SLC24A3: variants seen among roughly 807,000 people sequenced by gnomAD.
The protein encoded by SLC24A3 is solute carrier family 24 member 3, also known as sodium/potassium/calcium exchanger 3.
A neutral mutation model predicts 75.8 loss-of-function variants in SLC24A3; 28 were observed. The observed-to-expected ratio is 0.37, with a 90% CI of 0.27 to 0.51. SLC24A3 has a LOEUF of 0.51. Among genes scored for constraint, SLC24A3 ranks in the 20% least tolerant of loss-of-function variants. SLC24A3 has a pLI of 0.94. For synonymous variants in SLC24A3, 372 were observed against 334.1 expected (o/e 1.11, Z -1.24); for missense variants, 663 against 847.8 (o/e 0.78, Z 2.71).
At chr20:19,258,634 G>A (rs1221204500) in intron 1 of SLC24A3, among the ~76,000 whole-genome samples, 1 of 152,148 alleles carries the variant, frequency 6.6e-6, no homozygotes, top group African/African-American at 2.4e-5. Flanking sequence ...TCCAGGAGGC[G>A]GAAGTTGCAG....
chr20:19,302,282 A>T (rs1984214826), intron 2 of SLC24A3, among the ~76,000 whole-genome samples: 1 of 152,242 alleles, frequency 6.6e-6, no homozygotes, highest in Non-Finnish European at 1.5e-5. Flanking sequence ...GCCAAGCTGT[A>T]GAGAGTACTT....
chr20:19,296,299 G>C (rs1467413207), intron 2 of SLC24A3, among the ~76,000 whole-genome samples: 1 of 74,598 alleles, frequency 1.3e-5, no homozygotes, highest in Non-Finnish European at 2.6e-5. Context: ...AAAAAAAATA[G>C]CTCCTGGATT....
chr20:19,590,218 A>C (rs1418555069), intron 6 of SLC24A3, among the ~76,000 whole-genome samples: 3 of 151,906 alleles, frequency 2.0e-5, no homozygotes, highest in Non-Finnish European at 4.4e-5. Flanking sequence ...GTGCAGCTAG[A>C]AGTTTCTCTT....
chr20:19,443,557 T>TTTG (rs915823656), intron 2 of SLC24A3, among the ~76,000 whole-genome samples: 12 of 151,910 alleles, frequency 7.9e-5, no homozygotes, highest in Non-Finnish European at 1.2e-4. Context: ...CTTTCAGGAG[T>TTTG]TTGTTGTTGT....
chr20:19,245,448 G>T (rs1160401500), intron 1 of SLC24A3, among the ~76,000 whole-genome samples: 1 of 151,978 alleles, frequency 6.6e-6, no homozygotes, highest in Admixed American at 6.5e-5. Context: ...TTGAGTTGGC[G>T]GTCAGAATTA....
At chr20:19,703,407 C>T (rs1183700615) in intron 15 of SLC24A3, among the ~76,000 whole-genome samples, 1 of 152,240 alleles carries the variant, frequency 6.6e-6, no homozygotes, top group Admixed American at 6.5e-5. Flanking sequence ...ACTCACACTG[C>T]ACCAGTATCC....
chr20:19,499,588 A>G (rs901641620), intron 2 of SLC24A3, among the ~76,000 whole-genome samples: 1 of 152,070 alleles, frequency 6.6e-6, no homozygotes, highest in African/African-American at 2.4e-5. Context: ...CTAATTTTTC[A>G]TGACTTTTAT....
intron 6 of SLC24A3, among the ~76,000 whole-genome samples, chr20:19,633,512 A>G (rs941965146): frequency 1.3e-5 from 2 of 151,278 alleles, no homozygotes; most frequent in African/African-American, 2.4e-5. Flanking sequence ...AGCCGGGCGT[A>G]GTGGCGGGCG....
rs150970907 is a variant in SLC24A3, at chr20:19,254,227, C to CGACCG, written c.143-26728_143-26727insGGACC. On this transcript the variant is annotated intron_variant, in intron 1 of 16. Transcript: ENST00000328041. ...CATTGCCCAGGCGGCCATCTACTCCCGACCCCAGAGTCTGGCTTCATTTGT... is the reference window on the plus strand; with the variant it reads ...CATTGCCCAGGCGGCCATCTACTCCCGACCGGACCCCAGAGTCTGGCTTCATTTGT... Among the ~76,000 whole-genome samples, 308 of 139,766 alleles carry CGACCG rather than the reference C, an allele frequency of 2.2e-3. 8 individuals are homozygous for CGACCG. The South Asian group carries it at 0.061, about 28-fold the overall frequency. 91.7% of individuals were successfully genotyped at this position (139,766 alleles called of 152,430 possible). A position where few individuals can be genotyped will look rare whatever the true frequency, so the allele number is the denominator to read the frequency against.
intron 2 of SLC24A3, among the ~76,000 whole-genome samples, chr20:19,492,745 CATAA>C (rs1164178972): frequency 2.0e-5 from 3 of 152,158 alleles, no homozygotes; most frequent in Non-Finnish European, 4.4e-5. Flanking sequence ...ATATCTGTTT[CATAA>C]ATAAGTGTGG....
At chr20:19,683,199 C>T (rs983921363) in intron 10 of SLC24A3, among the ~76,000 whole-genome samples, 1 of 152,058 alleles carries the variant, frequency 6.6e-6, no homozygotes, top group African/African-American at 2.4e-5. Flanking sequence ...TGATTTAGTA[C>T]CATTTCACAT....
intron 3 of SLC24A3, among the ~76,000 whole-genome samples, chr20:19,518,482 T>C (rs1376406355): frequency 1.3e-5 from 2 of 152,172 alleles, no homozygotes; most frequent in African/African-American, 4.8e-5. Flanking sequence ...GTGGTGCTGT[T>C]CTTGAAGAGT....
At chr20:19,455,299 A>G (rs373966191) in intron 2 of SLC24A3, among the ~76,000 whole-genome samples, 2 of 152,262 alleles carry the variant, frequency 1.3e-5, no homozygotes, top group African/African-American at 4.8e-5. Flanking sequence ...GGGTTGATTG[A>G]TCTTATGACG....
chr20:19,359,134 C>T (rs1985741274), intron 2 of SLC24A3, among the ~76,000 whole-genome samples: 1 of 151,962 alleles, frequency 6.6e-6, no homozygotes, highest in African/African-American at 2.4e-5. Context: ...AGGTATATTC[C>T]CAGGAGTGGA....
At chr20:19,692,864 A>C (rs2032759881) in intron 12 of SLC24A3, among the ~76,000 whole-genome samples, 1 of 151,838 alleles carries the variant, frequency 6.6e-6, no homozygotes, top group Non-Finnish European at 1.5e-5. Flanking sequence ...AGCCCACTGG[A>C]GGTCTTCCTA....
intron 1 of SLC24A3, among the ~76,000 whole-genome samples, chr20:19,246,866 C>G (rs187397552): frequency 1.1e-3 from 172 of 151,994 alleles, no homozygotes; most frequent in African/African-American, 4.0e-3. Context: ...CAAAGCAGGG[C>G]TAGTAGGGAG....
chr20:19,587,939 A>G (rs182161583), intron 6 of SLC24A3, among the ~76,000 whole-genome samples: 3 of 152,318 alleles, frequency 2.0e-5, no homozygotes, highest in African/African-American at 7.2e-5. Context: ...CACCTAGGTC[A>G]CTGTGATAAT....
At chr20:19,598,751 T>G (rs2031483649) in intron 6 of SLC24A3, among the ~76,000 whole-genome samples, 1 of 152,074 alleles carries the variant, frequency 6.6e-6, no homozygotes, top group Non-Finnish European at 1.5e-5. Flanking sequence ...AAGATATTGG[T>G]CATTATACAG....
intron 1 of SLC24A3, among the ~76,000 whole-genome samples, chr20:19,262,126 G>C (rs1055425987): frequency 3.3e-5 from 5 of 152,192 alleles, no homozygotes; most frequent in African/African-American, 1.2e-4. Context: ...GAGAGAGGCC[G>C]GGCGCGGTGG....
Sources: gnomAD v4.1 joint callset for allele counts (sites outside exome capture counted in the v4.1 genomes callset) on GRCh38, gnomAD v4.1.1 for gene constraint, MANE v1.5 for transcripts, NCBI Gene and HGNC (gene_info 2026-07-23, HGNC 2026-07-21) for gene names.